The following NECAB1 variants were observed in gnomAD, a reference collection of about 807,000 sequenced individuals.
The protein encoded by NECAB1 is N-terminal EF-hand calcium-binding protein 1.
In NECAB1, 29 loss-of-function variants were observed where a neutral mutation model predicts 57.5. The ratio of observed to expected loss-of-function variants is 0.50; its 90% CI spans 0.38 to 0.69. The LOEUF (loss-of-function observed/expected upper bound fraction) is 0.69. NECAB1 is among the 30% of genes least tolerant of loss of function. The pLI is 0.00. For synonymous variants in NECAB1, 142 were observed against 147.7 expected (o/e 0.96, Z 0.28); for missense variants, 372 against 413.8 (o/e 0.90, Z 0.88).
chr8:90,896,058 C>T (rs1171826609), intron 5 of NECAB1, among the ~76,000 whole-genome samples: 2 of 152,120 alleles, frequency 1.3e-5, no homozygotes, highest in African/African-American at 4.8e-5. Context: ...ACCTCACACC[C>T]GTAATAGGTA....
intron 6 of NECAB1, among the ~76,000 whole-genome samples, chr8:90,921,110 G>A (rs913663610): frequency 1.3e-5 from 2 of 152,088 alleles, no homozygotes; most frequent in African/African-American, 4.8e-5. Flanking sequence ...TCCGCTTCCC[G>A]GGTTCAAGCA....
At chr8:90,954,973 ATG>A (rs1178038572) in intron 12 of NECAB1, among the ~76,000 whole-genome samples, 3 of 140,624 alleles carry the variant, frequency 2.1e-5, no homozygotes, top group African/African-American at 5.1e-5. Flanking sequence ...TGTATATATT[ATG>A]TGTGTACATA....
In NECAB1 at chr8:90,879,031, TTTA is replaced by T. The variant is rs1256888907; in HGVS notation, c.260-1996_260-1994del. On this transcript the variant is annotated intron_variant, in intron 4 of 12. Coordinates refer to ENST00000417640, the MANE Select transcript of NECAB1 (RefSeq NM_022351.5). ...TATATTATATATAATATATATTATATTTATTATTTATTATTTATATAATATATA... is the reference window on the plus strand; with the variant it reads ...TATATTATATATAATATATATTATATTTATTTATTATTTATATAATATATA... Among the ~76,000 whole-genome samples, 5 of 142,026 alleles carry T rather than the reference TTTA, an allele frequency of 3.5e-5. No individual in the cohort carries two copies. In the East Asian group the frequency reaches 5.9e-4, roughly 17 times the overall value. 93.2% of individuals were successfully genotyped at this position (142,026 alleles called of 152,430 possible). A position where few individuals can be genotyped will look rare whatever the true frequency, so the allele number is the denominator to read the frequency against.
chr8:90,860,869 T>TC (rs202044012), intron 3 of NECAB1, among the ~76,000 whole-genome samples: 2,175 of 152,120 alleles, frequency 0.014, 164 homozygotes, highest in Admixed American at 0.12. Context: ...GCAAAAATAT[T>TC]CCCCCTAGTT....
At chr8:90,924,360 GA>G (rs1184553731) in intron 6 of NECAB1, among the ~76,000 whole-genome samples, 1 of 151,800 alleles carries the variant, frequency 6.6e-6, no homozygotes, top group African/African-American at 2.4e-5. Context: ...AGTCAGGTAA[GA>G]AAAAAAATGA....
intron 3 of NECAB1, among the ~76,000 whole-genome samples, chr8:90,845,246 C>A: frequency 6.6e-6 from 1 of 152,170 alleles, no homozygotes; most frequent in Non-Finnish European, 1.5e-5. Flanking sequence ...AGTGACCAAG[C>A]CAAGCTGACA....
At chr8:90,915,341 C>T (rs1260885696) in intron 5 of NECAB1, among the ~76,000 whole-genome samples, 11 of 151,932 alleles carry the variant, frequency 7.2e-5, no homozygotes, top group African/African-American at 2.4e-4. Context: ...ATTTTAAAAA[C>T]TCATTCAGAG....
rs569852937 is a variant in NECAB1, at chr8:90,844,691, A to T, written c.233+19866A>T. ...TAACACCTGCTCCGGATTCACCTGA[A>T]TCTAAGCTCTCTTCACTTTCACTTT... On this transcript the variant is annotated intron_variant, in intron 3 of 12. Coordinates refer to ENST00000417640, the MANE Select transcript of NECAB1 (RefSeq NM_022351.5). Among the ~76,000 whole-genome samples the T allele has an allele frequency of 4.6e-5, 7 of 152,300 alleles. No homozygotes were observed. The South Asian group carries it at 1.5e-3, about 32-fold the overall frequency.
At chr8:90,917,703 C>A in intron 6 of NECAB1, 75 bp downstream of exon 6, 1 of 1,384,600 alleles carries the variant, frequency 7.2e-7, no homozygotes, top group Non-Finnish European at 9.6e-7. Flanking sequence ...AGGCATTGTA[C>A]TTACACTAGC....
chr8:90,891,388 T>G (rs1809162908), intron 5 of NECAB1, among the ~76,000 whole-genome samples: 2 of 152,182 alleles, frequency 1.3e-5, no homozygotes, highest in Non-Finnish European at 2.9e-5. Context: ...ATATTGATCT[T>G]TATTGTTTAT....
intron 5 of NECAB1, among the ~76,000 whole-genome samples, chr8:90,898,847 T>C (rs1809427435): frequency 6.6e-6 from 1 of 152,236 alleles, no homozygotes; most frequent in Admixed American, 6.5e-5. Flanking sequence ...ACCTTCCTAA[T>C]AGTTCATTTG....
At chr8:90,900,604 T>C (rs1164798636) in intron 5 of NECAB1, among the ~76,000 whole-genome samples, 1 of 152,222 alleles carries the variant, frequency 6.6e-6, no homozygotes, top group African/African-American at 2.4e-5. Flanking sequence ...AATTAGTTCT[T>C]TCCCTTCCAA....
intron 3 of NECAB1, among the ~76,000 whole-genome samples, chr8:90,868,758 C>T (rs1414376958): frequency 6.6e-6 from 1 of 152,186 alleles, no homozygotes; most frequent in African/African-American, 2.4e-5. Context: ...TTAGAAAATT[C>T]TCAGCCCATC....
At chr8:90,843,183 G>A (rs1018930090) in intron 3 of NECAB1, among the ~76,000 whole-genome samples, 15 of 152,022 alleles carry the variant, frequency 9.9e-5, no homozygotes, top group Non-Finnish European at 7.4e-5. Context: ...AAACAGGAAG[G>A]GGAAAAACCC....
intron 4 of NECAB1, among the ~76,000 whole-genome samples, chr8:90,873,560 C>T (rs1808659230): frequency 6.6e-6 from 1 of 152,194 alleles, no homozygotes; most frequent in Admixed American, 6.5e-5. Flanking sequence ...GTAGCAGACC[C>T]ATTTCCCTAA....
intron 1 of NECAB1, among the ~76,000 whole-genome samples, chr8:90,792,771 CTTAT>C (rs1342653386): frequency 2.6e-5 from 4 of 151,898 alleles, no homozygotes; most frequent in African/African-American, 9.7e-5. Flanking sequence ...ACTTTTATTT[CTTAT>C]TTATTTCTCA....
intron 2 of NECAB1, among the ~76,000 whole-genome samples, chr8:90,815,241 T>A (rs566633651): frequency 1.7e-4 from 26 of 152,236 alleles, no homozygotes; most frequent in Middle Eastern, 3.4e-3. Flanking sequence ...CAGTTTCTTT[T>A]GCCTTTAGCT....
Position 90,794,933 on chromosome 8 carries a change from A to G in NECAB1, c.99+2948A>G, listed in dbSNP as rs972547153. On this transcript the variant is annotated intron_variant, in intron 1 of 12. Coordinates refer to ENST00000417640, the MANE Select transcript of NECAB1 (RefSeq NM_022351.5). The stretch of plus-strand genomic sequence containing the variant: ...CGGTTCATCATAAATACTCTTGAAT[A>G]CTGATGGGAGGCTTAGAAAACCTAG... Among the ~76,000 whole-genome samples, 4 of 152,318 alleles carry G rather than the reference A, an allele frequency of 2.6e-5. No individual in the cohort carries two copies. The South Asian group carries it at 8.3e-4, about 32-fold the overall frequency.
chr8:90,799,058 T>C lies in NECAB1; in HGVS notation c.100-2633T>C, dbSNP rs556671733. 2.6e-5 allele frequency among the ~76,000 whole-genome samples: 4 copies of C among 152,346 alleles called. No homozygotes were observed. In the South Asian group the frequency reaches 8.3e-4, roughly 32 times the overall value. On this transcript the variant is annotated intron_variant, in intron 1 of 12. Coordinates refer to ENST00000417640, the MANE Select transcript of NECAB1 (RefSeq NM_022351.5). ...TTTGCATTTCTCTGATGATTAGTGATGTTGAGCATTTTTTCGTATGTTTGT... is the reference window on the plus strand; with the variant it reads ...TTTGCATTTCTCTGATGATTAGTGACGTTGAGCATTTTTTCGTATGTTTGT...
Sources: gnomAD v4.1 joint callset for allele counts (sites outside exome capture counted in the v4.1 genomes callset) on GRCh38, gnomAD v4.1.1 for gene constraint, MANE v1.5 for transcripts, NCBI Gene and HGNC (gene_info 2026-07-23, HGNC 2026-07-21) for gene names.